Variants in FHIT observed in about 807,000 individuals in gnomAD.
The protein encoded by FHIT is fragile histidine triad diadenosine triphosphatase.
FHIT carries 19 observed loss-of-function variants against 17.9 expected under a neutral mutation model. The observed-to-expected ratio is 1.06, with a 90% CI of 0.74 to 1.56. The LOEUF (loss-of-function observed/expected upper bound fraction) is 1.56, where lower values mean the gene tolerates loss of function less well. FHIT is among the 40% of genes most tolerant of loss of function. The probability of loss-of-function intolerance (pLI) is 0.00; values close to 1 mark genes in which losing one functional copy is unlikely to be tolerated. For synonymous variants in FHIT, 81 were observed against 69.7 expected, an observed-to-expected ratio of 1.16 and a Z score of -0.81; for missense variants, 248 against 189.2, an observed-to-expected ratio of 1.31 and a Z score of -1.82.
chr3:60,278,466 T>C (rs888142121), intron 5 of FHIT, among the ~76,000 whole-genome samples: 38 of 152,144 alleles, frequency 2.5e-4, no homozygotes, highest in African/African-American at 9.2e-4. Context: ...TCAGGCTCAC[T>C]AAGAAAACTG....
chr3:59,813,009 T>A (rs938628286), intron 8 of FHIT, among the ~76,000 whole-genome samples: 1 of 152,190 alleles, frequency 6.6e-6, no homozygotes, highest in Non-Finnish European at 1.5e-5. Flanking sequence ...CTAATCACGC[T>A]TGCAAGCCAT....
chr3:60,188,579 G>C (rs1702264735), intron 5 of FHIT, among the ~76,000 whole-genome samples: 1 of 152,222 alleles, frequency 6.6e-6, no homozygotes, highest in South Asian at 2.1e-4. Context: ...TTTCATATGA[G>C]TTAAGGAGTG....
Position 60,153,431 on chromosome 3 carries a change from C to A in FHIT, c.104-139279G>T, listed in dbSNP as rs576793986. ...AGGTGCTACACTCAGCTGAGCCCAC[C>A]TGTTTGGTTTCTGTTAGCTTTGACC... On this transcript the variant is annotated intron_variant, in intron 5 of 9. Transcript: ENST00000492590. 8.5e-4 allele frequency among the ~76,000 whole-genome samples: 129 copies of A among 151,040 alleles called. 1 individual carries two copies. The highest frequency in any genetic ancestry group is 3.1e-3 in the African/African-American group (127 of 41,176).
chr3:60,068,236 A>C (rs905390749), intron 5 of FHIT, among the ~76,000 whole-genome samples: 3 of 152,170 alleles, frequency 2.0e-5, no homozygotes, highest in African/African-American at 7.2e-5. Flanking sequence ...CTCTGCCTCA[A>C]AAAAAACAAA....
chr3:60,074,842 T>C (rs1276860239), intron 5 of FHIT, among the ~76,000 whole-genome samples: 1 of 152,112 alleles, frequency 6.6e-6, no homozygotes, highest in African/African-American at 2.4e-5. Context: ...CTGGGAAACT[T>C]TACTGTTTTC....
chr3:60,449,010 A>G (rs951944273), intron 5 of FHIT, among the ~76,000 whole-genome samples: 3 of 152,128 alleles, frequency 2.0e-5, no homozygotes, highest in Non-Finnish European at 2.9e-5. Context: ...GCTCTTTTCC[A>G]CAAGTTTCTA....
chr3:60,795,146 A>T (rs7650786), intron 4 of FHIT, among the ~76,000 whole-genome samples: 70,557 of 152,072 alleles, frequency 0.46, 17,501 homozygotes, highest in African/African-American at 0.59. Flanking sequence ...AGATTGTTCC[A>T]TAACTATACA....
At chr3:60,707,277 T>C (rs1312585725) in intron 4 of FHIT, among the ~76,000 whole-genome samples, 3 of 152,204 alleles carry the variant, frequency 2.0e-5, no homozygotes, top group Admixed American at 2.0e-4. Flanking sequence ...ACCTTACAGA[T>C]GATTCTATGA....
At chr3:60,930,318 T>C (rs551795802) in intron 3 of FHIT, among the ~76,000 whole-genome samples, 38 of 152,316 alleles carry the variant, frequency 2.5e-4, no homozygotes, top group African/African-American at 3.4e-4. Context: ...AAGGACTTCA[T>C]GTCTAAAACA....
At chr3:60,860,421 ATATGATACATATATAT>A (rs1703660869) in intron 3 of FHIT, among the ~76,000 whole-genome samples, 7 of 144,092 alleles carry the variant, frequency 4.9e-5, no homozygotes, top group African/African-American at 1.0e-4. Flanking sequence ...TCATATGTAT[ATATGATACATATATAT>A]CATGTATATA....
intron 5 of FHIT, among the ~76,000 whole-genome samples, chr3:60,138,219 A>G (rs1317160610): frequency 2.0e-5 from 3 of 152,158 alleles, no homozygotes; most frequent in African/African-American, 4.8e-5. Context: ...CAAAACTCTG[A>G]GTTAGATAAT....
intron 4 of FHIT, among the ~76,000 whole-genome samples, chr3:60,664,129 T>G (rs2040326154): frequency 6.6e-6 from 1 of 152,190 alleles, no homozygotes; most frequent in Non-Finnish European, 1.5e-5. Flanking sequence ...ATTTCTAAAT[T>G]GCTGAGAATT....
At position 60,180,813 on chromosome 3, in the gene FHIT, C is replaced by A. The variant is rs74447130; in HGVS notation, c.104-166661G>T. ...CTGGAAGAACCAAACAGAATTTTCA[C>A]CATCTCTAAATTACTGGATTGCAAG... is the stretch of plus-strand genomic sequence containing the variant. On this transcript the variant is annotated intron_variant, in intron 5 of 9. Coordinates refer to ENST00000492590, the MANE Select transcript of FHIT (RefSeq NM_002012.4). Among the ~76,000 whole-genome samples, 113 of 152,160 alleles carry A rather than the reference C, an allele frequency of 7.4e-4. 2 individuals are homozygous for A. The East Asian group carries it at 0.021, about 28-fold the overall frequency.
chr3:59,979,649 C>T (rs1398502564), intron 7 of FHIT, among the ~76,000 whole-genome samples: 1 of 152,060 alleles, frequency 6.6e-6, no homozygotes, highest in African/African-American at 2.4e-5. Flanking sequence ...TGGAACATTC[C>T]TATCAATGGG....
intron 2 of FHIT, among the ~76,000 whole-genome samples, chr3:61,154,059 CTTTCCACAACTGCCCATTGTCTTAA>C (rs1459425644): frequency 6.6e-6 from 1 of 152,166 alleles, no homozygotes; most frequent in Admixed American, 6.5e-5. Context: ...CTGCTCTATT[CTTTCCACAACTGCCCATTGTCTTAA>C]AAAACCCCAA....
At chr3:60,911,069 T>C (rs922787950) in intron 3 of FHIT, among the ~76,000 whole-genome samples, 8 of 152,268 alleles carry the variant, frequency 5.3e-5, no homozygotes, top group African/African-American at 1.7e-4. Context: ...ACTTTCAGAG[T>C]ATCTATCATA....
intron 4 of FHIT, among the ~76,000 whole-genome samples, chr3:60,756,326 ATT>A: frequency 6.6e-6 from 1 of 152,146 alleles, no homozygotes; most frequent in South Asian, 2.1e-4. Flanking sequence ...TCCAACTCAC[ATT>A]GTCCCTTAGA....
At chr3:60,666,725 G>T (rs1281063079) in intron 4 of FHIT, among the ~76,000 whole-genome samples, 2 of 152,134 alleles carry the variant, frequency 1.3e-5, no homozygotes, top group African/African-American at 4.8e-5. Flanking sequence ...CTGGAGTATA[G>T]TGGCACAATC....
At chr3:60,024,595 C>G (rs1268034393) in intron 5 of FHIT, among the ~76,000 whole-genome samples, 3 of 152,174 alleles carry the variant, frequency 2.0e-5, no homozygotes, top group African/African-American at 7.2e-5. Flanking sequence ...GTCATCCTCT[C>G]CCTTCCAAAG....
Sources: gnomAD v4.1 joint callset for allele counts (sites outside exome capture counted in the v4.1 genomes callset) on GRCh38, gnomAD v4.1.1 for gene constraint, MANE v1.5 for transcripts, NCBI Gene and HGNC (gene_info 2026-07-23, HGNC 2026-07-21) for gene names.